The following GFPT2 variants were observed in gnomAD, a reference collection of about 807,000 sequenced individuals.
GFPT2 encodes glutamine--fructose-6-phosphate aminotransferase [isomerizing] 2.
A neutral mutation model predicts 85.6 loss-of-function variants in GFPT2; 62 were observed. The ratio of observed to expected loss-of-function variants is 0.72; its 90% confidence interval spans 0.59 to 0.90. GFPT2 has a LOEUF of 0.90. GFPT2 is among the 40% of genes least tolerant of loss of function. The pLI is 0.00. For synonymous variants in GFPT2, 368 were observed against 344.5 expected (o/e 1.07, Z -0.75); for missense variants, 788 against 893.4 (o/e 0.88, Z 1.50).
intron 4 of GFPT2, among the ~76,000 whole-genome samples, chr5:180,334,211 G>T (rs761613665): frequency 2.6e-5 from 4 of 152,228 alleles, no homozygotes; most frequent in African/African-American, 7.2e-5. Flanking sequence ...TCACTAGGAT[G>T]CATGAGTAGC....
At chr5:180,324,465 C>T in intron 8 of GFPT2, 160 bp from the exon 9 acceptor site, 1 of 600,038 alleles carries the variant, frequency 1.7e-6, no homozygotes, top group Non-Finnish European at 3.0e-6. Context: ...CCCAATAGCA[C>T]AGTACCACTG....
Position 180,330,832 on chromosome 5 carries a change from T to C in GFPT2, c.402A>G (p.Glu134=). ...CTGACTCAAACTCGTAGCCTTTGCT[T>C]TCCTGGAATATGCAGTCGGCACAGT... ...TNYKDLRKFL[E]SKGYEFESET... is the part of the protein sequence containing the mutation. The change falls in exon 6 of 19, where the codon GAA becomes GAG. Residue 134 remains glutamate, a splice_region_variant and synonymous_variant. Transcript: ENST00000253778. The surrounding 1 kb of genome is among the most constrained non-coding windows in gnomAD (Gnocchi z 4.4). 1 of 1,613,992 alleles carries C rather than the reference T, an allele frequency of 6.2e-7. No homozygotes were observed. Among genetic ancestry groups the C allele is most frequent in the Non-Finnish European group, 8.5e-7 (1 of 1,179,856 alleles).
intron 18 of GFPT2, 47 bp downstream of exon 18, chr5:180,302,376 G>C: frequency 1.4e-6 from 2 of 1,438,056 alleles, no homozygotes; most frequent in Non-Finnish European, 1.9e-6. Context: ...AGGAACTCTG[G>C]GGTTATGTCT....
At chr5:180,332,366 G>T (rs2127654379) in intron 4 of GFPT2, among the ~76,000 whole-genome samples, 1 of 152,310 alleles carries the variant, frequency 6.6e-6, no homozygotes, top group East Asian at 1.9e-4. Context: ...GCCAGCCTGA[G>T]AATTTTTCTG....
At chr5:180,339,363 A>C (rs1764464770) in intron 1 of GFPT2, among the ~76,000 whole-genome samples, 1 of 134,910 alleles carries the variant, frequency 7.4e-6, no homozygotes, top group Non-Finnish European at 1.5e-5. Flanking sequence ...CTGGCGACAG[A>C]GCTAGACTCT....
intron 18 of GFPT2, 34 bp from the exon 19 acceptor site, chr5:180,301,642 A>G: frequency 6.3e-7 from 1 of 1,578,786 alleles, no homozygotes; most frequent in Admixed American, 1.7e-5. Context: ...TCAGGACCCC[A>G]AAGATCTCAG....
intron 4 of GFPT2, among the ~76,000 whole-genome samples, chr5:180,333,229 C>T (rs1419742263): frequency 3.3e-5 from 5 of 149,430 alleles, no homozygotes; most frequent in African/African-American, 1.2e-4. Context: ...GATATTGTTT[C>T]TTTTTCTTTC....
intron 15 of GFPT2, among the ~76,000 whole-genome samples, chr5:180,307,962 A>G (rs1763811185): frequency 6.6e-6 from 1 of 152,142 alleles, no homozygotes; most frequent in Admixed American, 6.5e-5. Context: ...AATACAAAAA[A>G]TTAGCCGGGC....
chr5:180,353,324 G>GCTCCCGCCGCT lies in GFPT2; in HGVS notation c.-108_-107insAGCGGCGGGAG. 1.2e-6 allele frequency: 1 copy of GCTCCCGCCGCT among 814,796 alleles called. No individual in the cohort carries two copies. The highest frequency in any genetic ancestry group is 1.6e-6 in the Non-Finnish European group (1 of 632,364). The allele number at this position is 814,796 out of a possible 1,614,324, so 50.5% of individuals were successfully genotyped here. The stretch of plus-strand genomic sequence containing the variant: ...GGGCTCCGTGGGCTCCGTGGGCTCC[G>GCTCCCGCCGCT]CGGGCTCCAGCTCCCGTCCGCTCGG... On this transcript the variant is annotated 5_prime_UTR_variant, in exon 1 of 19. Coordinates refer to ENST00000253778, the MANE Select transcript of GFPT2 (RefSeq NM_005110.4).
intron 10 of GFPT2, 61 bp from the exon 11 acceptor site, chr5:180,317,119 C>T (rs1045650740): frequency 8.4e-6 from 9 of 1,072,732 alleles, no homozygotes; most frequent in South Asian, 5.0e-5. Context: ...TTTCATTATG[C>T]AGCAGCGATA....
intron 15 of GFPT2, 59 bp from the exon 16 acceptor site, chr5:180,307,362 C>A (rs1200542280): frequency 6.4e-7 from 1 of 1,573,686 alleles, no homozygotes; most frequent in Non-Finnish European, 8.7e-7. Context: ...AAGCAATATT[C>A]ATGAAGACAA....
chr5:180,339,852 G>T (rs1482813107), intron 1 of GFPT2, among the ~76,000 whole-genome samples: 1 of 152,242 alleles, frequency 6.6e-6, no homozygotes, highest in Non-Finnish European at 1.5e-5. Context: ...CTCACTGTGT[G>T]TTGGCACCCA....
intron 1 of GFPT2, among the ~76,000 whole-genome samples, chr5:180,349,298 C>T (rs1764666206): frequency 1.3e-5 from 2 of 151,956 alleles, no homozygotes; most frequent in Admixed American, 1.3e-4. Context: ...CAGAGTGAGA[C>T]TCTGCCTCTA....
chr5:180,326,197 C>T (rs796379502), intron 7 of GFPT2, among the ~76,000 whole-genome samples: 6 of 152,286 alleles, frequency 3.9e-5, no homozygotes, highest in African/African-American at 1.4e-4. Flanking sequence ...TCTAAACCTG[C>T]GGTTCTTCAA....
chr5:180,305,021 G>A (rs1763748315), intron 16 of GFPT2, 82 bp from the exon 17 acceptor site: 2 of 970,404 alleles, frequency 2.1e-6, no homozygotes, highest in Admixed American at 3.8e-5. Context: ...AGGGGAACCA[G>A]GGGAAGGATG....
In GFPT2 at chr5:180,332,526, A is replaced by G. The variant is rs146080075; in HGVS notation, c.341-973T>C. On this transcript the variant is annotated intron_variant, in intron 4 of 18. Transcript: ENST00000253778. ...TTTCAAAGCATCACTGTGAAGTCTT[A>G]TTTGTTTTTATTATTACCATTATTA... 2.0e-5 allele frequency among the ~76,000 whole-genome samples: 3 copies of G among 152,104 alleles called. No individual in the cohort carries two copies. The East Asian group carries it at 5.8e-4, about 29-fold the overall frequency.
chr5:180,307,077 C>T, intron 16 of GFPT2, 99 bp downstream of exon 16: 1 of 984,004 alleles, frequency 1.0e-6, no homozygotes. Context: ...TTAGGCCCGG[C>T]CCTCCCCAAG....
intron 4 of GFPT2, among the ~76,000 whole-genome samples, chr5:180,331,912 C>T (rs1024810149): frequency 6.6e-6 from 1 of 152,206 alleles, no homozygotes; most frequent in Non-Finnish European, 1.5e-5. Context: ...ATGAGCCCTT[C>T]GTTCCAGAAG....
chr5:180,313,790 C>A lies in GFPT2; in HGVS notation c.1431+17G>T, dbSNP rs944292987. 2.0e-6 allele frequency: 3 copies of A among 1,536,630 alleles called. No homozygotes were observed. In the South Asian group the frequency reaches 3.6e-5, roughly 18 times the overall value. ...CGCCAGGCTCTCCCTGGGACGGGCG[C>A]CCGTGGCTCCTCCTACCTTGGTGCT... On this transcript the variant is annotated intron_variant, in intron 14 of 18. Coordinates refer to ENST00000253778, the MANE Select transcript of GFPT2 (RefSeq NM_005110.4).
Sources: allele counts gnomAD v4.1 joint callset (sites outside exome capture counted in the v4.1 genomes callset), GRCh38; gene constraint gnomAD v4.1.1; non-coding constraint Gnocchi (gnomAD v3.1); transcripts MANE v1.5; gene names NCBI Gene and HGNC (gene_info 2026-07-23, HGNC 2026-07-21).